Variants in DLG2 observed in about 807,000 individuals in gnomAD.
DLG2 encodes the protein disks large homolog 2.
A neutral mutation model predicts 132.5 loss-of-function variants in DLG2; 45 were observed. The ratio of observed to expected loss-of-function variants is 0.34; its 90% confidence interval spans 0.27 to 0.44. DLG2 has a LOEUF of 0.44. DLG2 is among the 20% of genes least tolerant of loss of function. The pLI is 1.00. For synonymous variants in DLG2, 424 were observed against 419.6 expected (o/e 1.01, Z -0.13); for missense variants, 1,045 against 1,196.9 (o/e 0.87, Z 1.87).
chr11:84,935,674 G>A (rs1219096174), intron 6 of DLG2, among the ~76,000 whole-genome samples: 2 of 152,128 alleles, frequency 1.3e-5, no homozygotes, highest in Non-Finnish European at 2.9e-5. Context: ...CTAATGGGTA[G>A]AGATCAGCAA....
intron 17 of DLG2, among the ~76,000 whole-genome samples, chr11:83,803,181 C>T (rs1214563165): frequency 6.6e-6 from 1 of 152,090 alleles, no homozygotes. Context: ...TGAATGCCTT[C>T]TTTGTGCCAG....
chr11:84,058,755 A>G (rs7115622), intron 11 of DLG2, among the ~76,000 whole-genome samples: 18,132 of 151,260 alleles, frequency 0.12, 1,481 homozygotes, highest in African/African-American at 0.24. Flanking sequence ...TGTTTCTGCA[A>G]CTCCTCAGAG....
intron 6 of DLG2, among the ~76,000 whole-genome samples, chr11:84,608,045 C>T (rs572914091): frequency 7.2e-5 from 11 of 152,194 alleles, no homozygotes; most frequent in Admixed American, 2.0e-4. Flanking sequence ...AGAAAAGCAA[C>T]CTCTAACCAC....
At chr11:84,420,708 G>A (rs1285054995) in intron 7 of DLG2, among the ~76,000 whole-genome samples, 2 of 105,162 alleles carry the variant, frequency 1.9e-5, no homozygotes, top group Admixed American at 1.5e-4. Context: ...TTGCTCTGTC[G>A]CCCAGGCTGG....
At chr11:85,453,253 G>T in intron 3 of DLG2, 2 of 349,154 alleles carry the variant, frequency 5.7e-6, no homozygotes, top group Non-Finnish European at 1.0e-5. Flanking sequence ...GTAAACACTT[G>T]TGTCAATAAT....
At chr11:85,458,689 G>C (rs572963668) in intron 3 of DLG2, among the ~76,000 whole-genome samples, 12 of 152,310 alleles carry the variant, frequency 7.9e-5, no homozygotes, top group African/African-American at 2.6e-4. Context: ...TATTAGTAAA[G>C]TATTTTTGGT....
chr11:85,134,484 C>G (rs1418515090), intron 5 of DLG2, among the ~76,000 whole-genome samples: 22 of 143,082 alleles, frequency 1.5e-4, no homozygotes, highest in Admixed American at 1.3e-3. Flanking sequence ...AGCCGAGATC[C>G]CGCCACTGCA....
intron 17 of DLG2, among the ~76,000 whole-genome samples, chr11:83,797,588 C>CG (rs2043163774): frequency 6.6e-6 from 1 of 151,822 alleles, no homozygotes; most frequent in Admixed American, 6.6e-5. Flanking sequence ...GGTGCTATCT[C>CG]GCTCACTGCA....
At chr11:84,580,333 G>A (rs751488929) in intron 6 of DLG2, among the ~76,000 whole-genome samples, 17 of 152,190 alleles carry the variant, frequency 1.1e-4, no homozygotes, top group Non-Finnish European at 1.8e-4. Flanking sequence ...GGATTTTTAA[G>A]ATAAAACCAG....
intron 3 of DLG2, among the ~76,000 whole-genome samples, chr11:85,402,030 C>A (rs1428505020): frequency 6.6e-6 from 1 of 152,070 alleles, no homozygotes; most frequent in Non-Finnish European, 1.5e-5. Flanking sequence ...GCCCACATAG[C>A]TAAGACAATC....
intron 6 of DLG2, among the ~76,000 whole-genome samples, chr11:84,584,069 A>G (rs2099523076): frequency 6.6e-6 from 1 of 152,152 alleles, no homozygotes; most frequent in Non-Finnish European, 1.5e-5. Context: ...TATATCTAAG[A>G]GTAAAATTGC....
chr11:84,293,669 T>C (rs1364485291), intron 7 of DLG2, among the ~76,000 whole-genome samples: 1 of 152,042 alleles, frequency 6.6e-6, no homozygotes, highest in Non-Finnish European at 1.5e-5. Flanking sequence ...ACAGTGAGAC[T>C]CCGTCTCAAA....
intron 17 of DLG2, among the ~76,000 whole-genome samples, chr11:83,812,625 G>A (rs186810075): frequency 6.6e-6 from 1 of 152,234 alleles, no homozygotes; most frequent in Admixed American, 6.5e-5. Context: ...CTTAAACTTA[G>A]TAGATATACT....
chr11:85,165,734 A>G lies in DLG2; in HGVS notation c.187-11083T>C, dbSNP rs575465555. Among the ~76,000 whole-genome samples the G allele has an allele frequency of 2.0e-5, 3 of 152,284 alleles. No individual in the cohort carries two copies. In the East Asian group the frequency reaches 5.8e-4, roughly 29 times the overall value. ...TTTTGTTCTTTGACAGCAACTATAT[A>G]TTTTTAAAATATCATCTAAGCTAAC... On this transcript the variant is annotated intron_variant, in intron 4 of 27. Coordinates refer to ENST00000376104, the MANE Select transcript of DLG2 (RefSeq NM_001142699.3).
intron 6 of DLG2, among the ~76,000 whole-genome samples, chr11:85,014,516 C>T (rs2059408301): frequency 6.6e-6 from 1 of 152,184 alleles, no homozygotes; most frequent in Admixed American, 6.5e-5. Flanking sequence ...CTCTCCTCAG[C>T]TCTTTACTAT....
chr11:84,076,011 G>A lies in DLG2; in HGVS notation c.750-16527C>T, dbSNP rs148773531. ...AGGATGGTGGCATAAAGGATTAAGG[G>A]CAACAAGAAGGGCCCCTTTGCTCAC... On this transcript the variant is annotated intron_variant, in intron 10 of 27. Coordinates refer to ENST00000376104, the MANE Select transcript of DLG2 (RefSeq NM_001142699.3). Among the ~76,000 whole-genome samples the A allele has an allele frequency of 3.4e-3, 513 of 152,268 alleles. 9 individuals carry two copies. The highest frequency in any genetic ancestry group is 0.032 in the Admixed American group (493 of 15,302).
intron 5 of DLG2, among the ~76,000 whole-genome samples, chr11:85,117,422 T>C (rs867384733): frequency 6.6e-6 from 1 of 152,152 alleles, no homozygotes; most frequent in African/African-American, 2.4e-5. Flanking sequence ...ACTATTTCTA[T>C]ACATAATCAG....
intron 8 of DLG2, among the ~76,000 whole-genome samples, chr11:84,191,111 G>A (rs1408516714): frequency 2.0e-5 from 3 of 152,140 alleles, no homozygotes; most frequent in African/African-American, 7.2e-5. Context: ...TCCTAGCCCT[G>A]ACTCTACTGC....
At chr11:85,070,493 G>A (rs532353614) in intron 6 of DLG2, among the ~76,000 whole-genome samples, 1 of 151,560 alleles carries the variant, frequency 6.6e-6, no homozygotes, top group African/African-American at 2.4e-5. Context: ...CAGGTGACAG[G>A]TACTTAAAAG....
Sources: allele counts gnomAD v4.1 joint callset (sites outside exome capture counted in the v4.1 genomes callset), GRCh38; gene constraint gnomAD v4.1.1; transcripts MANE v1.5; gene names NCBI Gene and HGNC (gene_info 2026-07-23, HGNC 2026-07-21).